SHMT1: variants seen among roughly 807,000 people sequenced by gnomAD.
The protein encoded by SHMT1 is serine hydroxymethyltransferase 1, also known as serine hydroxymethyltransferase, cytosolic.
In SHMT1, 45 loss-of-function variants were observed where a neutral mutation model predicts 49.0. That is an observed-to-expected ratio of 0.92 (90% CI 0.72 to 1.18). The LOEUF (loss-of-function observed/expected upper bound fraction) is 1.18, where lower values mean the gene tolerates loss of function less well. SHMT1 is among the 50% of genes most tolerant of loss of function. The probability of loss-of-function intolerance (pLI) is 0.00; values close to 1 mark genes in which losing one functional copy is unlikely to be tolerated. For missense variants in SHMT1, 541 were observed against 612.4 expected (o/e 0.88, Z 1.23); for synonymous variants, 232 against 246.6 (o/e 0.94, Z 0.55).
At chr17:18,359,628 G>T (rs928855026) in intron 1 of SHMT1, among the ~76,000 whole-genome samples, 19 of 151,684 alleles carry the variant, frequency 1.3e-4, no homozygotes, top group African/African-American at 3.9e-4. Context: ...CTCCAGTCTG[G>T]GTGACAGAGT....
In SHMT1 at chr17:18,328,470, G is replaced by A. The variant is rs992211639; in HGVS notation, c.*280C>T. On this transcript the variant is annotated 3_prime_UTR_variant, in exon 12 of 12. Coordinates refer to ENST00000316694, the MANE Select transcript of SHMT1 (RefSeq NM_004169.5). ...ACCATCTAAATGATTATGACCAAGT[G>A]GCGACATAGTATTTTATTTTCCTAG... 2.2e-5 allele frequency: 10 copies of A among 463,056 alleles called. No homozygotes were observed. Among genetic ancestry groups the A allele is most frequent in the Middle Eastern group, 1.3e-3 (2 of 1,564 alleles). 28.7% of individuals were successfully genotyped at this position (463,056 alleles called of 1,614,324 possible). A position where few individuals can be genotyped will look rare whatever the true frequency, so the allele number is the denominator to read the frequency against.
chr17:18,349,277 G>A (rs776600337), intron 3 of SHMT1, among the ~76,000 whole-genome samples: 2 of 152,010 alleles, frequency 1.3e-5, no homozygotes, highest in Non-Finnish European at 2.9e-5. Context: ...AAAATTAGCC[G>A]GGAGTGGTGG....
At chr17:18,346,212 C>G (rs747332283) in intron 5 of SHMT1, among the ~76,000 whole-genome samples, 14 of 152,056 alleles carry the variant, frequency 9.2e-5, no homozygotes, top group Non-Finnish European at 1.8e-4. Flanking sequence ...CAGAAGGATG[C>G]AGTGCTACCT....
intron 10 of SHMT1, among the ~76,000 whole-genome samples, chr17:18,329,647 G>T (rs879667483): frequency 1.3e-5 from 2 of 152,194 alleles, no homozygotes; most frequent in Non-Finnish European, 2.9e-5. Flanking sequence ...GGTAACATCT[G>T]TCTGGGTCTG....
At position 18,348,306 on chromosome 17, in the gene SHMT1, A is replaced by G; in HGVS notation, c.358+19T>C. The G allele has an allele frequency of 6.6e-7, 1 of 1,507,122 alleles. No homozygotes were observed. 93.4% of individuals were successfully genotyped at this position (1,507,122 alleles called of 1,614,324 possible). On this transcript the variant is annotated intron_variant, in intron 4 of 11. Coordinates refer to ENST00000316694, the MANE Select transcript of SHMT1 (RefSeq NM_004169.5). ...GCACATGAAGAGGCTGCACCAGGCC[A>G]TATGGATGAGACAAGCACCTGAGTA...
At chr17:18,336,699 C>T (rs922560856) in intron 7 of SHMT1, among the ~76,000 whole-genome samples, 1 of 151,980 alleles carries the variant, frequency 6.6e-6, no homozygotes, top group African/African-American at 2.4e-5. Context: ...AATCCCAGCA[C>T]TTTGGGAGGC....
intron 2 of SHMT1, among the ~76,000 whole-genome samples, chr17:18,354,728 T>C (rs1308657432): frequency 6.6e-6 from 1 of 152,050 alleles, no homozygotes; most frequent in Non-Finnish European, 1.5e-5. Context: ...TTATTCCTTG[T>C]TCTTCTTCCT....
intron 8 of SHMT1, among the ~76,000 whole-genome samples, chr17:18,334,223 T>A (rs532337870): frequency 6.6e-6 from 1 of 152,304 alleles, no homozygotes; most frequent in East Asian, 1.9e-4. Flanking sequence ...ACTACAGGCG[T>A]GAGCCACTGC....
At chr17:18,342,526 CT>C (rs1275872052) in intron 5 of SHMT1, among the ~76,000 whole-genome samples, 4 of 151,976 alleles carry the variant, frequency 2.6e-5, no homozygotes, top group African/African-American at 9.7e-5. Context: ...GTTGCCCAGG[CT>C]GGTCTCGAAC....
At chr17:18,341,034 C>A in intron 5 of SHMT1, 1 of 582,090 alleles carries the variant, frequency 1.7e-6, no homozygotes, top group South Asian at 2.0e-5. Flanking sequence ...TGTAGTGAGC[C>A]CTGCTGCTGG....
rs921982915 is a variant in SHMT1 at position 18,359,960 on chromosome 17, T to A, written c.-20+3412A>T. Among the ~76,000 whole-genome samples, 5 of 116,322 alleles carry A rather than the reference T, an allele frequency of 4.3e-5. No homozygotes were observed. In the East Asian group the frequency reaches 1.0e-3, roughly 24 times the overall value. The allele number at this position is 116,322 out of a possible 152,430, so 76.3% of individuals were successfully genotyped here. Reference sequence around the variant, plus strand: ...ACTCTATCTTAAAAAAAAAAAAAAATTATTTGGCCAGGCACAGTGGCTCAC... The same window carrying A: ...ACTCTATCTTAAAAAAAAAAAAAAAATATTTGGCCAGGCACAGTGGCTCAC... On this transcript the variant is annotated intron_variant, in intron 1 of 11. Coordinates refer to ENST00000316694, the MANE Select transcript of SHMT1 (RefSeq NM_004169.5).
rs1264647317 is a variant in SHMT1 at position 18,329,277 on chromosome 17, C to T, written c.1282+1G>A. 5.0e-6 allele frequency: 8 copies of T among 1,603,800 alleles called. No individual in the cohort carries two copies. In the South Asian group the frequency reaches 6.6e-5, roughly 13 times the overall value. The stretch of plus-strand genomic sequence containing the variant: ...GGCAACTTCCAAACTTTTATCCTTA[C>T]CTCTGTGAATAAAGTGGGCTACTTT... On this transcript the variant is annotated splice_donor_variant, in intron 11 of 11. Coordinates refer to ENST00000316694, the MANE Select transcript of SHMT1 (RefSeq NM_004169.5). LOFTEE classifies it high-confidence loss of function.
At chr17:18,343,536 AG>A (rs914139970) in intron 5 of SHMT1, among the ~76,000 whole-genome samples, 1 of 138,712 alleles carries the variant, frequency 7.2e-6, no homozygotes, top group African/African-American at 2.7e-5. Flanking sequence ...TAAACCCGGG[AG>A]GCAGAGGTTG....
At chr17:18,345,333 C>T (rs1038921191) in intron 5 of SHMT1, among the ~76,000 whole-genome samples, 2 of 152,216 alleles carry the variant, frequency 1.3e-5, no homozygotes, top group East Asian at 1.9e-4. Context: ...TCTTGGCTCA[C>T]TGCAACCTCC....
rs776417921 is a variant in SHMT1 at position 18,347,481 on chromosome 17, G to T, written c.519+15C>A. 4 of 1,613,490 alleles carry T rather than the reference G, an allele frequency of 2.5e-6. No homozygotes were observed. The highest frequency in any genetic ancestry group is 1.3e-5 in the African/African-American group (1 of 74,928). The stretch of plus-strand genomic sequence containing the variant: ...TCCCAAGGAAATAAAAGCTAGGAGA[G>T]AAACACATGCTTACCTTGTAGGGCA... On this transcript the variant is annotated intron_variant, in intron 5 of 11. Coordinates refer to ENST00000316694, the MANE Select transcript of SHMT1 (RefSeq NM_004169.5).
In SHMT1 at chr17:18,340,057, A is replaced by G; in HGVS notation, c.800T>C (p.Ile267Thr). Residue 267 changes from isoleucine to threonine, a missense_variant, in exon 7 of 12, where the codon ATC becomes ACC. Transcript: ENST00000316694. The surrounding 1 kb of genome is among the most constrained non-coding windows in gnomAD (Gnocchi z 4.5). ...KTLRGCRAGM[I>T]FYRKGVKSVD... ...CGGGAGCTCACCTTTCCTGTAGAAG[A>G]TCATGCCAGCTCGGCAGCCTCGCAG... The G allele has an allele frequency of 6.2e-7, 1 of 1,613,724 alleles. No individual in the cohort carries two copies. Among genetic ancestry groups the G allele is most frequent in the Non-Finnish European group, 8.5e-7 (1 of 1,180,040 alleles).
rs1392523763 is a variant in SHMT1, at chr17:18,340,641, G to T, written c.601+91C>A. Reference sequence around the variant, plus strand: ...TATCCAGGGCAGAAACTAGCAGTGGGCTCAACAGGGTGCGAACATCTTTCC... The same window carrying T: ...TATCCAGGGCAGAAACTAGCAGTGGTCTCAACAGGGTGCGAACATCTTTCC... On this transcript the variant is annotated intron_variant, in intron 6 of 11. Transcript: ENST00000316694. This position sits in a 1 kb window ranked among gnomAD's most constrained non-coding sequence, Gnocchi z 4.5. 3 of 1,129,224 alleles carry T rather than the reference G, an allele frequency of 2.7e-6. No homozygotes were observed. The highest frequency in any genetic ancestry group is 3.9e-6 in the Non-Finnish European group (3 of 761,834). The allele number at this position is 1,129,224 out of a possible 1,614,324, so 70.0% of individuals were successfully genotyped here.
rs369513722 is a variant in SHMT1 at position 18,348,365 on chromosome 17, C to A, written c.318G>T (p.Leu106=). 6.2e-6 allele frequency: 10 copies of A among 1,613,956 alleles called. No homozygotes were observed. The African/African-American group carries it at 1.1e-4, about 17-fold the overall frequency. Residue 106 remains leucine (L), a synonymous_variant, in exon 4 of 12, where the codon CTG becomes CTT. Coordinates refer to ENST00000316694, the MANE Select transcript of SHMT1 (RefSeq NM_004169.5). ...CGTTGACCCCCCAGCACTGTGGGTCCAGCTTATAGGCCTGCAGGGCTCGCT... is the reference window on the plus strand; with the variant it reads ...CGTTGACCCCCCAGCACTGTGGGTCAAGCTTATAGGCCTGCAGGGCTCGCT... ...CQKRALQAYK[L]DPQCWGVNVQ... is the part of the protein sequence containing the mutation.
At chr17:18,360,939 G>T (rs1469307918) in intron 1 of SHMT1, among the ~76,000 whole-genome samples, 1 of 152,126 alleles carries the variant, frequency 6.6e-6, no homozygotes, top group Non-Finnish European at 1.5e-5. Flanking sequence ...GGAGGCCGAG[G>T]TGGGTGGATC....
Sources: gnomAD v4.1 joint callset for allele counts (sites outside exome capture counted in the v4.1 genomes callset) on GRCh38, gnomAD v4.1.1 for gene constraint, Gnocchi (gnomAD v3.1) non-coding constraint, MANE v1.5 for transcripts, NCBI Gene and HGNC (gene_info 2026-07-23, HGNC 2026-07-21) for gene names.